The following GABRB1 variants were observed in gnomAD, a reference collection of about 807,000 sequenced individuals.
GABRB1 encodes gamma-aminobutyric acid receptor subunit beta-1.
A neutral mutation model predicts 51.6 loss-of-function variants in GABRB1; 17 were observed. The ratio of observed to expected loss-of-function variants is 0.33; its 90% CI spans 0.23 to 0.49. GABRB1 has a LOEUF of 0.49. Among genes scored for constraint, GABRB1 ranks in the 20% least tolerant of loss-of-function variants. GABRB1 has a pLI of 0.99. For missense variants in GABRB1, 410 were observed against 600.6 expected (o/e 0.68, Z 3.32); for synonymous variants, 247 against 218.9 (o/e 1.13, Z -1.14).
intron 4 of GABRB1, among the ~76,000 whole-genome samples, chr4:47,261,105 C>T (rs891000135): frequency 1.3e-5 from 2 of 152,160 alleles, no homozygotes; most frequent in Non-Finnish European, 2.9e-5. Flanking sequence ...ACTGAATGGG[C>T]AAAAACTGGA....
At chr4:47,338,701 G>A (rs1423678293) in intron 5 of GABRB1, among the ~76,000 whole-genome samples, 2 of 152,122 alleles carry the variant, frequency 1.3e-5, no homozygotes, top group African/African-American at 2.4e-5. Flanking sequence ...TGTGTTCTAC[G>A]AAGCACCATG....
chr4:47,008,465 T>C (rs975289757), intron 1 of GABRB1, among the ~76,000 whole-genome samples: 2 of 141,730 alleles, frequency 1.4e-5, no homozygotes, highest in African/African-American at 5.4e-5. Flanking sequence ...AATATTTTAC[T>C]TTTTTTTTTT....
rs74283204 is a variant in GABRB1 at position 47,167,944 on chromosome 4, A to C, written c.461+6475A>C. On this transcript the variant is annotated intron_variant, in intron 4 of 8. Transcript: ENST00000295454. ...CCAGTTCATGGTATTCTGTTATAGC[A>C]ACACAAAATGGACTAAGATGGGAAG... 6.4e-4 allele frequency among the ~76,000 whole-genome samples: 98 copies of C among 152,260 alleles called. 1 individual carries two copies. In the East Asian group the frequency reaches 0.018, roughly 28 times the overall value.
intron 1 of GABRB1, among the ~76,000 whole-genome samples, chr4:47,001,677 C>G (rs1724223557): frequency 6.6e-6 from 1 of 152,184 alleles, no homozygotes; most frequent in African/African-American, 2.4e-5. Flanking sequence ...TGCCAGACTT[C>G]CCTGCAGATT....
intron 4 of GABRB1, among the ~76,000 whole-genome samples, chr4:47,172,210 A>G (rs112104709): frequency 1.1e-3 from 170 of 152,344 alleles, no homozygotes; most frequent in African/African-American, 3.5e-3. Context: ...TTCTGGAATG[A>G]TAAGTACCAT....
intron 4 of GABRB1, among the ~76,000 whole-genome samples, chr4:47,222,180 T>G (rs927506686): frequency 7.2e-5 from 11 of 152,146 alleles, no homozygotes; most frequent in Non-Finnish European, 1.2e-4. Flanking sequence ...TACTCACATT[T>G]CTCTCTGCTC....
intron 5 of GABRB1, among the ~76,000 whole-genome samples, chr4:47,360,119 T>G (rs924004780): frequency 1.2e-4 from 17 of 137,466 alleles, no homozygotes; most frequent in Non-Finnish European, 2.8e-4. Flanking sequence ...CAGGAAAGCT[T>G]TAAAAAAAAA....
chr4:47,061,571 C>A (rs1368721875), intron 3 of GABRB1, among the ~76,000 whole-genome samples: 1 of 152,062 alleles, frequency 6.6e-6, no homozygotes, highest in Non-Finnish European at 1.5e-5. Flanking sequence ...TTAGCAGATT[C>A]TCTGTGGTTA....
chr4:47,108,366 C>T (rs6852985), intron 3 of GABRB1, among the ~76,000 whole-genome samples: 50,035 of 151,830 alleles, frequency 0.33, 8,570 homozygotes, highest in Middle Eastern at 0.45. Flanking sequence ...ACAAACCTTC[C>T]GGAGTATTCT....
At chr4:47,207,139 A>G (rs2109805068) in intron 4 of GABRB1, among the ~76,000 whole-genome samples, 1 of 152,098 alleles carries the variant, frequency 6.6e-6, no homozygotes, top group East Asian at 1.9e-4. Context: ...ATTATTTAAC[A>G]GGACATTTAA....
intron 3 of GABRB1, among the ~76,000 whole-genome samples, chr4:47,131,333 A>G (rs1413403081): frequency 6.6e-6 from 1 of 151,890 alleles, no homozygotes; most frequent in Non-Finnish European, 1.5e-5. Context: ...TAATTTTTGT[A>G]TTTTTAGTGG....
At chr4:47,206,758 A>G (rs1374806154) in intron 4 of GABRB1, among the ~76,000 whole-genome samples, 1 of 151,842 alleles carries the variant, frequency 6.6e-6, no homozygotes, top group Non-Finnish European at 1.5e-5. Flanking sequence ...AAACATATAA[A>G]CACAGAATCA....
chr4:47,147,643 G>T (rs1717232316), intron 3 of GABRB1, among the ~76,000 whole-genome samples: 1 of 152,094 alleles, frequency 6.6e-6, no homozygotes, highest in Non-Finnish European at 1.5e-5. Flanking sequence ...GCCAAACCCA[G>T]ACTTCCTGGC....
At chr4:47,282,946 G>A (rs1057099042) in intron 4 of GABRB1, among the ~76,000 whole-genome samples, 2 of 152,148 alleles carry the variant, frequency 1.3e-5, no homozygotes, top group Non-Finnish European at 2.9e-5. Context: ...GCAGTAATTG[G>A]GCTGAACTAT....
chr4:47,233,382 G>C (rs1211017865), intron 4 of GABRB1, among the ~76,000 whole-genome samples: 1 of 152,106 alleles, frequency 6.6e-6, no homozygotes, highest in African/African-American at 2.4e-5. Flanking sequence ...CATATAAAGA[G>C]GTTAATGAGG....
chr4:47,115,563 T>C (rs185599540), intron 3 of GABRB1, among the ~76,000 whole-genome samples: 2 of 152,180 alleles, frequency 1.3e-5, no homozygotes, highest in Admixed American at 1.3e-4. Context: ...CTTTAAATCA[T>C]GGGGAATTAA....
chr4:47,336,491 A>G (rs1478167659), intron 5 of GABRB1, among the ~76,000 whole-genome samples: 1 of 152,246 alleles, frequency 6.6e-6, no homozygotes, highest in African/African-American at 2.4e-5. Context: ...CCATTTACCA[A>G]TGAAGAAGCC....
At chr4:47,375,212 AG>A (rs1727337749) in intron 5 of GABRB1, among the ~76,000 whole-genome samples, 1 of 152,228 alleles carries the variant, frequency 6.6e-6, no homozygotes, top group South Asian at 2.1e-4. Context: ...AAAGATTTCA[AG>A]CTGGGAGTGA....
intron 4 of GABRB1, among the ~76,000 whole-genome samples, chr4:47,188,330 T>C (rs1577985473): frequency 6.6e-6 from 1 of 152,008 alleles, no homozygotes; most frequent in Non-Finnish European, 1.5e-5. Flanking sequence ...GCTTCATTAT[T>C]TTATAGTCAC....
Sources: allele counts gnomAD v4.1 joint callset (sites outside exome capture counted in the v4.1 genomes callset), GRCh38; gene constraint gnomAD v4.1.1; transcripts MANE v1.5; gene names NCBI Gene and HGNC (gene_info 2026-07-23, HGNC 2026-07-21).